The following ARHGAP30 variants were observed in gnomAD, a reference collection of about 807,000 sequenced individuals.
The protein encoded by ARHGAP30 is Rho GTPase activating protein 30.
Under a neutral mutation model 72.0 loss-of-function variants are expected in ARHGAP30, and 23 were observed. That is an observed-to-expected ratio of 0.32 (90% CI 0.23 to 0.45). The LOEUF (loss-of-function observed/expected upper bound fraction) is 0.45. Ranked by LOEUF, ARHGAP30 falls within the 20% of genes least tolerant of loss-of-function variation. The pLI, the probability that ARHGAP30 is intolerant of heterozygous loss-of-function variation, is 1.00. For missense variants in ARHGAP30, 1,319 were observed against 1,383.4 expected (o/e 0.95, Z 0.74); for synonymous variants, 576 against 528.2 (o/e 1.09, Z -1.24).
At position 161,059,815 on chromosome 1, in the gene ARHGAP30, A is replaced by G. The variant is rs888115413; in HGVS notation, c.98-99T>C. 8.2e-6 allele frequency: 8 copies of G among 981,274 alleles called. No individual in the cohort carries two copies. The African/African-American group carries it at 1.1e-4, about 14-fold the overall frequency. 60.8% of individuals were successfully genotyped at this position (981,274 alleles called of 1,614,324 possible). On this transcript the variant is annotated intron_variant, in intron 1 of 11. Transcript: ENST00000368013. ...AATGGAATTTGGGGAGACCACGACGAGCAAAGCTCATGGAATAAAAACTTG... is the reference window on the plus strand; with the variant it reads ...AATGGAATTTGGGGAGACCACGACGGGCAAAGCTCATGGAATAAAAACTTG...
In ARHGAP30 at chr1:161,051,735, C is replaced by T; in HGVS notation, c.1019-20G>A. ...CTGGCTCTGTGGAGGAAAAAGAGGG[C>T]CAGGTAGGCAATAGCCTAAACTCCA... On this transcript the variant is annotated intron_variant, in intron 9 of 11. Transcript: ENST00000368013. 6.3e-7 allele frequency: 1 copy of T among 1,579,594 alleles called. No individual in the cohort carries two copies. The highest frequency in any genetic ancestry group is 8.6e-7 in the Non-Finnish European group (1 of 1,164,010).
rs1652981481 is a variant in ARHGAP30 at position 161,069,165 on chromosome 1, A to C, written c.97+363T>G. Among the ~76,000 whole-genome samples, 4 of 149,848 alleles carry C rather than the reference A, an allele frequency of 2.7e-5. No homozygotes were observed. The South Asian group carries it at 6.4e-4, about 24-fold the overall frequency. On this transcript the variant is annotated intron_variant, in intron 1 of 11. Coordinates refer to ENST00000368013, the MANE Select transcript of ARHGAP30 (RefSeq NM_001025598.2). This position sits in a 1 kb window ranked among gnomAD's most constrained non-coding sequence, Gnocchi z 4.9. Reference sequence around the variant, plus strand: ...AAGGATAATCATTTCCCCTTCAGCCACTCCTCTCCTGACCCTGTCGCCTCA... The same window carrying C: ...AAGGATAATCATTTCCCCTTCAGCCCCTCCTCTCCTGACCCTGTCGCCTCA...
rs746239642 is a variant in ARHGAP30 at position 161,059,601 on chromosome 1, CTGTT to C, written c.200+9_200+12del. 4 of 1,608,986 alleles carry C rather than the reference CTGTT, an allele frequency of 2.5e-6. No individual in the cohort carries two copies. Among genetic ancestry groups the C allele is most frequent in the African/African-American group, 1.3e-5 (1 of 74,766 alleles). On this transcript the variant is annotated intron_variant, in intron 2 of 11. Transcript: ENST00000368013. ...CTCCTGGTCACAGAGCCCTCCCACTCTGTTTGACTCACCGAAGCTTCTGGATGTT... is the reference window on the plus strand; with the variant it reads ...CTCCTGGTCACAGAGCCCTCCCACTCTGACTCACCGAAGCTTCTGGATGTT...
intron 10 of ARHGAP30, 124 bp from the exon 11 acceptor site, chr1:161,049,813 A>G (rs527989721): frequency 7.7e-7 from 1 of 1,299,838 alleles, no homozygotes; most frequent in African/African-American, 1.5e-5. Flanking sequence ...TGCATGACTG[A>G]TCCTTTCAGA....
intron 2 of ARHGAP30, among the ~76,000 whole-genome samples, chr1:161,059,028 GT>G (rs1163420685): frequency 1.3e-5 from 2 of 151,624 alleles, no homozygotes; most frequent in Non-Finnish European, 2.9e-5. Context: ...TTATATCTAA[GT>G]TTTTTGTTTT....
In ARHGAP30 at chr1:161,049,536, C is replaced by T; in HGVS notation, c.1574G>A (p.Gly525Glu). ...CTGGGCCACCTCCCCATCCTCTGCCCCCACCCACTCAGGTTCTGAGCTGCT... is the reference window on the plus strand; with the variant it reads ...CTGGGCCACCTCCCCATCCTCTGCCTCCACCCACTCAGGTTCTGAGCTGCT... ...DSSSSEPEWV[G>E]AEDGEVAQAE... Residue 525 changes from glycine (G) to glutamate (E), a missense_variant, in exon 11 of 12, where the codon GGG becomes GAG. Transcript: ENST00000368013. 1.9e-6 allele frequency: 3 copies of T among 1,614,158 alleles called. No individual in the cohort carries two copies. The highest frequency in any genetic ancestry group is 1.7e-6 in the Non-Finnish European group (2 of 1,180,026).
At chr1:161,061,841 A>T (rs1652333823) in intron 1 of ARHGAP30, among the ~76,000 whole-genome samples, 1 of 152,292 alleles carries the variant, frequency 6.6e-6, no homozygotes, top group East Asian at 1.9e-4. Flanking sequence ...TAATCCCAGC[A>T]CTTTGGGAGG....
chr1:161,055,932 A>T (rs373450239), intron 3 of ARHGAP30, among the ~76,000 whole-genome samples: 2 of 25,202 alleles, frequency 7.9e-5, no homozygotes, highest in Admixed American at 3.2e-4. Flanking sequence ...AAATAAAATA[A>T]AATAAATATA....
At chr1:161,053,927 G>A (rs1486753569) in intron 5 of ARHGAP30, among the ~76,000 whole-genome samples, 1 of 152,116 alleles carries the variant, frequency 6.6e-6, no homozygotes, top group Non-Finnish European at 1.5e-5. Context: ...AATTAGCCAG[G>A]CATGGTGGCT....
At chr1:161,059,019 T>A (rs1426446050) in intron 2 of ARHGAP30, among the ~76,000 whole-genome samples, 1 of 151,976 alleles carries the variant, frequency 6.6e-6, no homozygotes, top group Admixed American at 6.6e-5. Context: ...ATATGTAAAT[T>A]ATATCTAAGT....
chr1:161,048,990 T>A lies in ARHGAP30; in HGVS notation c.2031A>T (p.Gly677=). The A allele has an allele frequency of 6.2e-7, 1 of 1,613,822 alleles. No homozygotes were observed. The part of the protein sequence containing the change: ...GRLDIREEAE[G]SPETKVEAGK... ...CAGCCTCCACCTTGGTCTCTGGACT[T>A]CCCTCTGCCTCTTCCCTGATGTCTA... The change falls in exon 12 of 12, where the codon GGA becomes GGT. Residue 677 remains glycine, a synonymous_variant. Coordinates refer to ENST00000368013, the MANE Select transcript of ARHGAP30 (RefSeq NM_001025598.2).
At position 161,053,285 on chromosome 1, in the gene ARHGAP30, G is replaced by C; in HGVS notation, c.637C>G (p.Gln213Glu). 1 of 1,613,992 alleles carries C rather than the reference G, an allele frequency of 6.2e-7. No individual in the cohort carries two copies. The highest frequency in any genetic ancestry group is 8.5e-7 in the Non-Finnish European group (1 of 1,180,030). The change falls in exon 6 of 12, where the codon CAG (glutamine) becomes GAG (glutamate). Residue 213 changes from glutamine to glutamate, a missense_variant. By Grantham distance (29) the Gln-to-Glu change is conservative (BLOSUM62 2). This residue lies in a region of ARHGAP30 where 222 missense variants were observed against 338.2 expected (regional missense o/e 0.66). Coordinates refer to ENST00000368013, the MANE Select transcript of ARHGAP30 (RefSeq NM_001025598.2). The stretch of plus-strand genomic sequence containing the variant: ...GAGAGGGCAGCACCCCCAAAGAGCT[G>C]GTCCACGTGTGTGAGGATGAACTCC... ...VVEFILTHVDQLFGGAALSGG... is the reference protein window; with the variant it reads ...VVEFILTHVDELFGGAALSGG...
Position 161,069,100 on chromosome 1 carries a change from C to T in ARHGAP30, c.97+428G>A, listed in dbSNP as rs1278715773. On this transcript the variant is annotated intron_variant, in intron 1 of 11. Coordinates refer to ENST00000368013, the MANE Select transcript of ARHGAP30 (RefSeq NM_001025598.2). This position sits in a 1 kb window ranked among gnomAD's most constrained non-coding sequence, Gnocchi z 4.9. ...CCCGCCTCAAGGGCCATCTTGAGAC[C>T]CTTCTGGGGCCATTTCCCTGTCTCC... is the stretch of plus-strand genomic sequence containing the variant. Among the ~76,000 whole-genome samples, 1 of 152,072 alleles carries T rather than the reference C, an allele frequency of 6.6e-6. No homozygotes were observed. Among genetic ancestry groups the T allele is most frequent in the African/African-American group, 2.4e-5 (1 of 41,394 alleles).
At chr1:161,062,059 G>A (rs1331782906) in intron 1 of ARHGAP30, among the ~76,000 whole-genome samples, 1 of 152,032 alleles carries the variant, frequency 6.6e-6, no homozygotes, top group Non-Finnish European at 1.5e-5. Context: ...CTGTACTCCA[G>A]CTTTAATGAC....
At chr1:161,066,923 C>T (rs1652819467) in intron 1 of ARHGAP30, among the ~76,000 whole-genome samples, 1 of 152,178 alleles carries the variant, frequency 6.6e-6, no homozygotes, top group Admixed American at 6.6e-5. Flanking sequence ...TCTTTTGACT[C>T]ATAAATAGTC....
Position 161,069,403 on chromosome 1 carries a change from T to A in ARHGAP30, c.97+125A>T. On this transcript the variant is annotated intron_variant, in intron 1 of 11. Transcript: ENST00000368013. The surrounding 1 kb of genome is among the most constrained non-coding windows in gnomAD (Gnocchi z 4.9). ...GCCCACTTACAGTTCTCTTGAATGG[T>A]GACCCCAGGCCACTGCCCCTTCCCC... 2.2e-6 allele frequency: 2 copies of A among 895,372 alleles called. No individual in the cohort carries two copies. 55.5% of individuals were successfully genotyped at this position (895,372 alleles called of 1,614,324 possible). A position where few individuals can be genotyped will look rare whatever the true frequency, so the allele number is the denominator to read the frequency against.
In ARHGAP30 at chr1:161,051,318, G is replaced by GGGGCCA. The variant is rs768238427; in HGVS notation, c.1410_1415dup (p.Gly471_Pro472dup). ...GGTCAATCAATGGGTCCTCACCTGGGGGGCCAGGGCCAAGGCCAGGGCCAG... is the reference window on the plus strand; with the variant it reads ...GGTCAATCAATGGGTCCTCACCTGGGGGGCCAGGGCCAGGGCCAAGGCCAGGGCCAG... On this transcript the variant is annotated inframe_insertion, in exon 10 of 12. Coordinates refer to ENST00000368013, the MANE Select transcript of ARHGAP30 (RefSeq NM_001025598.2). The GGGGCCA allele has an allele frequency of 5.6e-6, 9 of 1,596,714 alleles. No homozygotes were observed. In the East Asian group the frequency reaches 8.9e-5, roughly 16 times the overall value.
intron 1 of ARHGAP30, among the ~76,000 whole-genome samples, chr1:161,060,748 C>G (rs1652256230): frequency 7.6e-6 from 1 of 132,438 alleles, no homozygotes; most frequent in Non-Finnish European, 1.5e-5. Context: ...GTTGCCCAGG[C>G]TGGAGTGCAG....
At chr1:161,050,626 T>C (rs963672315) in intron 10 of ARHGAP30, among the ~76,000 whole-genome samples, 1 of 150,858 alleles carries the variant, frequency 6.6e-6, no homozygotes, top group South Asian at 2.1e-4. Context: ...TGGTACTTAA[T>C]AAACTGTTTT....
Sources: gnomAD v4.1 joint callset for allele counts (sites outside exome capture counted in the v4.1 genomes callset) on GRCh38, gnomAD v4.1.1 for gene constraint, gnomAD v4.1.1 regional missense constraint, Gnocchi (gnomAD v3.1) non-coding constraint, MANE v1.5 for transcripts, NCBI Gene and HGNC (gene_info 2026-07-23, HGNC 2026-07-21) for gene names.